The following EVI5 variants were observed in gnomAD, a reference collection of about 807,000 sequenced individuals.
EVI5 encodes ecotropic viral integration site 5.
A neutral mutation model predicts 112.0 loss-of-function variants in EVI5; 73 were observed. That is an observed-to-expected ratio of 0.65 (90% CI 0.54 to 0.79). The LOEUF (loss-of-function observed/expected upper bound fraction) is 0.79. Among genes scored for constraint, EVI5 ranks in the 30% least tolerant of loss-of-function variants. The pLI, the probability that EVI5 is intolerant of heterozygous loss-of-function variation, is 0.00. For missense variants in EVI5, 900 were observed against 968.8 expected, an observed-to-expected ratio of 0.93 and a Z score of 0.94; for synonymous variants, 305 against 319.9, an observed-to-expected ratio of 0.95 and a Z score of 0.50.
upstream of EVI5, chr1:92,785,190 G>GGCCGGCCGA (rs1284421353): frequency 7.4e-6 from 6 of 814,934 alleles, no homozygotes; most frequent in East Asian, 5.0e-4. Flanking sequence ...GGGCCGGGCG[G>GGCCGGCCGA]GCCGGCCGAG....
At chr1:92,704,384 T>C (rs1671661474) in intron 3 of EVI5, among the ~76,000 whole-genome samples, 171 bp downstream of exon 3, 2 of 152,206 alleles carry the variant, frequency 1.3e-5, no homozygotes, top group Admixed American at 6.5e-5. Flanking sequence ...TAACAACTGA[T>C]GTCTACAAAT....
At chr1:92,528,629 C>T (rs1314833797) in intron 19 of EVI5, among the ~76,000 whole-genome samples, 1 of 152,180 alleles carries the variant, frequency 6.6e-6, no homozygotes, top group African/African-American at 2.4e-5. Flanking sequence ...CAAAAATGAA[C>T]AGACTACTGC....
intron 2 of EVI5, among the ~76,000 whole-genome samples, chr1:92,712,910 C>A (rs35311203): frequency 0.2 from 30,054 of 150,908 alleles, 3,491 homozygotes; most frequent in Non-Finnish European, 0.26. Flanking sequence ...CTAATCACTA[C>A]AATTAAAAGC....
chr1:92,772,363 A>C (rs1240667810), intron 1 of EVI5, among the ~76,000 whole-genome samples: 1 of 148,282 alleles, frequency 6.7e-6, no homozygotes, highest in Non-Finnish European at 1.5e-5. Context: ...TTGGGAGGCC[A>C]AGGCGGGCTG....
chr1:92,753,108 G>T (rs941767069), intron 1 of EVI5, among the ~76,000 whole-genome samples: 1 of 144,872 alleles, frequency 6.9e-6, no homozygotes, highest in African/African-American at 2.5e-5. Flanking sequence ...TGAGCAGGAA[G>T]AAGCCAGATA....
intron 13 of EVI5, among the ~76,000 whole-genome samples, chr1:92,661,277 T>C (rs1180354041): frequency 2.0e-5 from 3 of 152,124 alleles, no homozygotes; most frequent in Non-Finnish European, 2.9e-5. Flanking sequence ...ATTAAAACAA[T>C]GAGCAACAGA....
chr1:92,595,124 A>C (rs1571785274), intron 18 of EVI5, among the ~76,000 whole-genome samples: 2 of 152,150 alleles, frequency 1.3e-5, no homozygotes, highest in African/African-American at 2.4e-5. Context: ...ACGTATGTTT[A>C]TTGCGGCACT....
At chr1:92,624,651 T>C (rs375790803) in intron 15 of EVI5, among the ~76,000 whole-genome samples, 7 of 117,172 alleles carry the variant, frequency 6.0e-5, no homozygotes, top group African/African-American at 2.3e-4. Flanking sequence ...GAGATCAGCC[T>C]GGCCAACATG....
rs1386725884 is a variant in EVI5 at position 92,646,589 on chromosome 1, A to C, written c.1393-10253T>G. On this transcript the variant is annotated intron_variant, in intron 13 of 19. Transcript: ENST00000684568. ...TGTCCCCCACAGGCTCAGCGCCAAG[A>C]AACGAGCACCAAGAGTTTGTCTTGG... Among the ~76,000 whole-genome samples, 3 of 152,228 alleles carry C rather than the reference A, an allele frequency of 2.0e-5. No homozygotes were observed. In the East Asian group the frequency reaches 5.8e-4, roughly 29 times the overall value.
chr1:92,725,960 A>C (rs1383408591), intron 2 of EVI5, among the ~76,000 whole-genome samples: 1 of 152,208 alleles, frequency 6.6e-6, no homozygotes, highest in Non-Finnish European at 1.5e-5. Context: ...TGAGAGATAA[A>C]AAATACACTA....
At chr1:92,757,184 G>A (rs758556362) in intron 1 of EVI5, among the ~76,000 whole-genome samples, 1 of 152,130 alleles carries the variant, frequency 6.6e-6, no homozygotes, top group African/African-American at 2.4e-5. Context: ...CAACAAATCC[G>A]TGTATGACAA....
chr1:92,586,339 G>T (rs922826473), intron 18 of EVI5, among the ~76,000 whole-genome samples: 3 of 151,988 alleles, frequency 2.0e-5, no homozygotes, highest in African/African-American at 7.3e-5. Context: ...AAATTATTTA[G>T]AATTCTTCTG....
chr1:92,616,221 C>T (rs1017300358), intron 16 of EVI5, among the ~76,000 whole-genome samples: 7 of 152,234 alleles, frequency 4.6e-5, no homozygotes, highest in South Asian at 2.1e-4. Flanking sequence ...GTCCAGAAGA[C>T]GTACTCTTGA....
chr1:92,692,011 T>C (rs1458031475), intron 9 of EVI5, among the ~76,000 whole-genome samples: 1 of 152,188 alleles, frequency 6.6e-6, no homozygotes, highest in African/African-American at 2.4e-5. Flanking sequence ...CATAATTTAC[T>C]GTCAGCAATC....
At chr1:92,568,662 TC>T (rs1354829043) in intron 18 of EVI5, among the ~76,000 whole-genome samples, 1 of 152,140 alleles carries the variant, frequency 6.6e-6, no homozygotes, top group Non-Finnish European at 1.5e-5. Context: ...ATGTGGACTT[TC>T]GTCTGCCTCT....
chr1:92,639,594 T>C (rs1659555020), intron 13 of EVI5, among the ~76,000 whole-genome samples: 1 of 152,182 alleles, frequency 6.6e-6, no homozygotes, highest in Non-Finnish European at 1.5e-5. Flanking sequence ...ATATGACATT[T>C]ATATGCTCTT....
intron 19 of EVI5, among the ~76,000 whole-genome samples, chr1:92,557,826 G>A (rs768117633): frequency 1.1e-4 from 17 of 151,776 alleles, no homozygotes; most frequent in Non-Finnish European, 2.4e-4. Context: ...CCAGGCTCAA[G>A]CAATCCTCCC....
intron 1 of EVI5, chr1:92,756,469 A>G (rs1680969341): frequency 1.3e-5 from 7 of 539,638 alleles, no homozygotes; most frequent in South Asian, 9.7e-5. Flanking sequence ...TTTCTCCAAC[A>G]TGGCCTACAA....
rs1659089714 is a variant in EVI5, at chr1:92,509,891, A to T, written c.*3765T>A. On this transcript the variant is annotated 3_prime_UTR_variant, in exon 20 of 20. Coordinates refer to ENST00000684568, the MANE Select transcript of EVI5 (RefSeq NM_001350197.2). Reference sequence around the variant, plus strand: ...ATACTCAACTCTAAGTGTTTAACTTAATAACATTCAAATATCACAAAATGT... The same window carrying T: ...ATACTCAACTCTAAGTGTTTAACTTTATAACATTCAAATATCACAAAATGT... 6.6e-6 allele frequency: 1 copy of T among 152,220 alleles called. No individual in the cohort carries two copies. 9.4% of individuals were successfully genotyped at this position (152,220 alleles called of 1,614,324 possible). A position where few individuals can be genotyped will look rare whatever the true frequency, so the allele number is the denominator to read the frequency against.
Sources: gnomAD v4.1 joint callset for allele counts (sites outside exome capture counted in the v4.1 genomes callset) on GRCh38, gnomAD v4.1.1 for gene constraint, MANE v1.5 for transcripts, NCBI Gene and HGNC (gene_info 2026-07-23, HGNC 2026-07-21) for gene names.